Variants in POLG observed in about 807,000 individuals in gnomAD.
The protein encoded by POLG is DNA polymerase subunit gamma-1.
A neutral mutation model predicts 155.4 loss-of-function variants in POLG; 110 were observed. The ratio of observed to expected loss-of-function variants is 0.71; its 90% CI spans 0.61 to 0.83. POLG has a LOEUF of 0.83. Ranked by LOEUF, POLG falls within the 40% of genes least tolerant of loss-of-function variation. The pLI is 0.00. For missense variants in POLG, 1,685 were observed against 1,627.5 expected (o/e 1.04, Z -0.61); for synonymous variants, 701 against 631.5 (o/e 1.11, Z -1.65).
intron 14 of POLG, among the ~76,000 whole-genome samples, chr15:89,322,525 G>A (rs537799931): frequency 6.6e-6 from 1 of 152,314 alleles, no homozygotes; most frequent in South Asian, 2.1e-4. Context: ...AGCTACGAAG[G>A]GCTCTCATGG....
intron 22 of POLG, 36 bp from the exon 23 acceptor site, chr15:89,316,863 CAAG>C: frequency 6.9e-7 from 1 of 1,458,130 alleles, no homozygotes; most frequent in Non-Finnish European, 9.6e-7. Flanking sequence ...GATGCCACCT[CAAG>C]AACTGTAACT....
rs1187151579 is a variant in POLG, at chr15:89,320,851, G to T, written c.2896C>A (p.Leu966Ile). ...GAGQPFAERL[L>I]MQFNHRLTQQ... is the part of the protein sequence containing the mutation. ...GTGAGCCGGTGGTTAAACTGCATTA[G>T]TAAGCGCTCAGCAAAGGGCTGCCCA... is the stretch of plus-strand genomic sequence containing the variant. Residue 966 changes from leucine (L) to isoleucine (I), a missense_variant, in exon 18 of 23, where the codon CTA (leucine) becomes ATA (isoleucine). By Grantham distance (5) the Leu-to-Ile change is conservative. Around this residue, in one of 3 missense-constraint regions of POLG, gnomAD observed 470 missense variants for 439.9 expected, o/e 1.07. Transcript: ENST00000268124. The T allele has an allele frequency of 6.2e-7, 1 of 1,613,860 alleles. No homozygotes were observed. Among genetic ancestry groups the T allele is most frequent in the Non-Finnish European group, 8.5e-7 (1 of 1,180,026 alleles).
intron 3 of POLG, 147 bp from the exon 4 acceptor site, chr15:89,329,257 T>C: frequency 1.4e-6 from 1 of 691,538 alleles, no homozygotes; most frequent in Non-Finnish European, 2.5e-6. Flanking sequence ...CAACACCAAA[T>C]ACAGAATCCT....
At position 89,316,876 on chromosome 15, in the gene POLG, TGA is replaced by T. The variant is rs2152052818; in HGVS notation, c.3644-51_3644-50del. The T allele has an allele frequency of 5.1e-6, 7 of 1,359,960 alleles. No homozygotes were observed. The East Asian group carries it at 1.6e-4, about 31-fold the overall frequency. The allele number at this position is 1,359,960 out of a possible 1,614,324, so 84.2% of individuals were successfully genotyped here. On this transcript the variant is annotated intron_variant, in intron 22 of 22. Coordinates refer to ENST00000268124, the MANE Select transcript of POLG (RefSeq NM_002693.3). ...AGGATGCCACCTCAAGAACTGTAAC[TGA>T]GAGCTCAGAAGTGAGCAAAGGAGCT...
In POLG at chr15:89,333,806, C is replaced by T; in HGVS notation, c.-52G>A. On this transcript the variant is annotated 5_prime_UTR_variant, in exon 2 of 23. Coordinates refer to ENST00000268124, the MANE Select transcript of POLG (RefSeq NM_002693.3). Reference sequence around the variant, plus strand: ...GAGTCAGAACACCTGGCTTTGGGCTCCAGCTTGGCTTCTTTTACTGGCTGG... The same window carrying T: ...GAGTCAGAACACCTGGCTTTGGGCTTCAGCTTGGCTTCTTTTACTGGCTGG... The T allele has an allele frequency of 6.5e-7, 1 of 1,532,194 alleles. No homozygotes were observed. The highest frequency in any genetic ancestry group is 8.7e-7 in the Non-Finnish European group (1 of 1,144,104). 94.9% of individuals were successfully genotyped at this position (1,532,194 alleles called of 1,614,324 possible). A position where few individuals can be genotyped will look rare whatever the true frequency, so the allele number is the denominator to read the frequency against.
chr15:89,321,313 G>A (rs2055392883), intron 16 of POLG, 53 bp from the exon 17 acceptor site: 7 of 1,600,832 alleles, frequency 4.4e-6, no homozygotes, highest in Non-Finnish European at 6.0e-6. Flanking sequence ...CATTCCTGGA[G>A]CCAGAGTTGA....
chr15:89,316,553 T>G lies in POLG; in HGVS notation c.*198A>C. On this transcript the variant is annotated 3_prime_UTR_variant, in exon 23 of 23. Coordinates refer to ENST00000268124, the MANE Select transcript of POLG (RefSeq NM_002693.3). ...CCTTGTCCTGTAGTCCACACCGATGTTGGCATCTTGGTTCTGAACCCACTG... is the reference window on the plus strand; with the variant it reads ...CCTTGTCCTGTAGTCCACACCGATGGTGGCATCTTGGTTCTGAACCCACTG... 2 of 1,328,608 alleles carry G rather than the reference T, an allele frequency of 1.5e-6. No homozygotes were observed. 82.3% of individuals were successfully genotyped at this position (1,328,608 alleles called of 1,614,324 possible).
chr15:89,317,275 G>T, intron 22 of POLG, 101 bp downstream of exon 22: 1 of 980,958 alleles, frequency 1.0e-6, no homozygotes, highest in Non-Finnish European at 1.6e-6. Flanking sequence ...CCTGAGTCAA[G>T]AGTGGATTCT....
chr15:89,326,237 C>A (rs375234266), intron 9 of POLG, among the ~76,000 whole-genome samples: 1 of 152,334 alleles, frequency 6.6e-6, no homozygotes, highest in East Asian at 1.9e-4. Context: ...CTCAAGGAAG[C>A]CTTCTTGATT....
chr15:89,322,147 A>C, intron 14 of POLG, 132 bp from the exon 15 acceptor site: 8 of 870,808 alleles, frequency 9.2e-6, no homozygotes, highest in Non-Finnish European at 1.2e-5. Context: ...AACTGGACTC[A>C]AGGTGAGCCC....
intron 10 of POLG, among the ~76,000 whole-genome samples, chr15:89,324,936 G>A (rs1467356855): frequency 2.0e-5 from 3 of 152,172 alleles, no homozygotes; most frequent in Non-Finnish European, 2.9e-5. Context: ...CAAGAGTAGG[G>A]CCTTTAGTCC....
chr15:89,331,116 G>GA (rs2055588592), intron 2 of POLG, among the ~76,000 whole-genome samples: 1 of 148,950 alleles, frequency 6.7e-6, no homozygotes, highest in Middle Eastern at 3.2e-3. Flanking sequence ...ACACAGCTGC[G>GA]AAGGAGCTCC....
At chr15:89,327,131 C>G in intron 7 of POLG, 36 bp downstream of exon 7, 1 of 1,614,108 alleles carries the variant, frequency 6.2e-7, no homozygotes, top group African/African-American at 1.3e-5. Context: ...CCTGCCAGTC[C>G]CCTGCCTAGA....
intron 13 of POLG, 134 bp from the exon 14 acceptor site, chr15:89,323,036 C>CA: frequency 1.1e-6 from 1 of 880,070 alleles, no homozygotes. Context: ...CTGATTGTAT[C>CA]ACGCACGCGC....
chr15:89,319,852 G>C (rs1312396509), intron 18 of POLG, among the ~76,000 whole-genome samples: 1 of 152,114 alleles, frequency 6.6e-6, no homozygotes, highest in Non-Finnish European at 1.5e-5. Context: ...ACAACTCCCA[G>C]CTTCCATCTA....
At chr15:89,317,587 T>C (rs763469380) in intron 21 of POLG, 51 bp from the exon 22 acceptor site, 2 of 1,569,320 alleles carry the variant, frequency 1.3e-6, no homozygotes, top group African/African-American at 1.4e-5. Flanking sequence ...TGTGAACAGA[T>C]GCATCACTCC....
At chr15:89,334,012 G>T in intron 1 of POLG, 99 bp from the exon 2 acceptor site, 1 of 550,656 alleles carries the variant, frequency 1.8e-6, no homozygotes, top group Non-Finnish European at 3.2e-6. Flanking sequence ...CCCCAACACT[G>T]TGCCAGGCGC....
rs959282143 is a variant in POLG, at chr15:89,318,546, C to G, written c.3477G>C (p.Leu1159Phe). The change falls in exon 21 of 23, where the codon TTG becomes TTC. Residue 1159 changes from leucine (L) to phenylalanine (F), a missense_variant. Physicochemically the swap from Leu to Phe is conservative, Grantham distance 22 (BLOSUM62 0). Transcript: ENST00000268124. ...AGGCCATGGGCCCCGCATACCTGGT[C>G]AAGAGGTTGGTGATCTGCAAGGCCA... is the stretch of plus-strand genomic sequence containing the variant. ...AALALQITNL[L>F]TRCMFAYKLG... The G allele has an allele frequency of 3.1e-6, 5 of 1,613,096 alleles. No homozygotes were observed. Among genetic ancestry groups the G allele is most frequent in the Non-Finnish European group, 4.2e-6 (5 of 1,179,948 alleles).
At chr15:89,317,571 C>G (rs1366861850) in intron 21 of POLG, 35 bp from the exon 22 acceptor site, 1 of 1,607,242 alleles carries the variant, frequency 6.2e-7, no homozygotes, top group Non-Finnish European at 8.5e-7. Context: ...ACAGTCATGC[C>G]CCTCCTGTGA....
Sources: gnomAD v4.1 joint callset for allele counts (sites outside exome capture counted in the v4.1 genomes callset) on GRCh38, gnomAD v4.1.1 for gene constraint, gnomAD v4.1.1 regional missense constraint, MANE v1.5 for transcripts, NCBI Gene and HGNC (gene_info 2026-07-23, HGNC 2026-07-21) for gene names.